The following GPR39 variants were observed in gnomAD, a reference collection of about 807,000 sequenced individuals.
The protein encoded by GPR39 is G protein-coupled receptor 39, also known as zinc sensing receptor.
In GPR39, 23 loss-of-function variants were observed where a neutral mutation model predicts 18.4. The observed-to-expected ratio is 1.25, with a 90% confidence interval of 0.90 to 1.77. The LOEUF (loss-of-function observed/expected upper bound fraction) is 1.77, where lower values mean the gene tolerates loss of function less well. Among genes scored for constraint, GPR39 ranks in the 40% most tolerant of loss-of-function variants. The pLI is 0.00. For missense variants in GPR39, 647 were observed against 602.4 expected, an observed-to-expected ratio of 1.07 and a Z score of -0.78; for synonymous variants, 280 against 257.9, an observed-to-expected ratio of 1.09 and a Z score of -0.82.
At chr2:132,642,214 C>T (rs188707364) in intron 1 of GPR39, among the ~76,000 whole-genome samples, 1 of 152,196 alleles carries the variant, frequency 6.6e-6, no homozygotes, top group Admixed American at 6.5e-5. Flanking sequence ...TAATTCAGGT[C>T]TTTGTCTCTC....
intron 1 of GPR39, among the ~76,000 whole-genome samples, chr2:132,494,528 C>G (rs1681600804): frequency 1.3e-5 from 2 of 152,138 alleles, no homozygotes; most frequent in Non-Finnish European, 2.9e-5. Flanking sequence ...TCGCTCAGGC[C>G]TTATACCAGG....
In GPR39 at chr2:132,483,851, G is replaced by C. The variant is rs567513943; in HGVS notation, c.856+65953G>C. ...ACTAAAAAAAAATGACAATATTCCT[G>C]GGTACTTTAGATAGAGGATACTGCA... On this transcript the variant is annotated intron_variant, in intron 1 of 1. Transcript: ENST00000329321. Among the ~76,000 whole-genome samples the C allele has an allele frequency of 7.9e-5, 12 of 152,252 alleles. No individual in the cohort carries two copies. In the South Asian group the frequency reaches 2.5e-3, roughly 32 times the overall value.
Position 132,581,576 on chromosome 2 carries a change from G to C in GPR39, c.857-63525G>C, listed in dbSNP as rs185412187. Among the ~76,000 whole-genome samples, 8 of 152,142 alleles carry C rather than the reference G, an allele frequency of 5.3e-5. No individual in the cohort carries two copies. The East Asian group carries it at 1.5e-3, about 29-fold the overall frequency. ...CAAGAATCTAGAATCCAACATGTGG[G>C]GCAGGCACTGAACCCCCATCCCCTA... is the stretch of plus-strand genomic sequence containing the variant. On this transcript the variant is annotated intron_variant, in intron 1 of 1. Coordinates refer to ENST00000329321, the MANE Select transcript of GPR39 (RefSeq NM_001508.3).
chr2:132,594,355 A>ATATG (rs1680900091), intron 1 of GPR39, among the ~76,000 whole-genome samples: 1 of 152,044 alleles, frequency 6.6e-6, no homozygotes. Context: ...TGCTGGTTGT[A>ATATG]TATGTGTATG....
intron 1 of GPR39, among the ~76,000 whole-genome samples, chr2:132,633,435 G>T: frequency 6.6e-6 from 1 of 151,644 alleles, no homozygotes; most frequent in Admixed American, 6.6e-5. Flanking sequence ...TTTCCAGGTA[G>T]TGGAAAAGAA....
intron 1 of GPR39, among the ~76,000 whole-genome samples, chr2:132,463,563 G>A (rs1335053526): frequency 2.0e-5 from 3 of 151,954 alleles, no homozygotes; most frequent in East Asian, 3.9e-4. Context: ...GAAATTAATA[G>A]GGAAAGACAG....
At position 132,645,401 on chromosome 2, in the gene GPR39, G is replaced by A. The variant is rs1682006355; in HGVS notation, c.1157G>A (p.Arg386His). Residue 386 changes from arginine to histidine, a missense_variant, in exon 2 of 2, where the codon CGC becomes CAC. Physicochemically the swap from Arg to His is conservative, Grantham distance 29. This residue lies in a region of GPR39 where 581 missense variants were observed against 506.8 expected (regional missense o/e 1.15). Transcript: ENST00000329321. The part of the protein sequence containing the change: ...VHAHSTTDSA[R>H]FVQRPLLFAS... ...GCGCACTCCACCACCGACAGCGCCC[G>A]CTTTGTGCAGCGCCCGTTGCTCTTC... 2 of 1,613,498 alleles carry A rather than the reference G, an allele frequency of 1.2e-6. No individual in the cohort carries two copies. The highest frequency in any genetic ancestry group is 8.5e-7 in the Non-Finnish European group (1 of 1,180,006).
intron 1 of GPR39, among the ~76,000 whole-genome samples, chr2:132,457,465 C>T (rs1451381846): frequency 6.6e-6 from 1 of 152,204 alleles, no homozygotes; most frequent in Non-Finnish European, 1.5e-5. Flanking sequence ...TACCGACCTT[C>T]TGAAGCCTAC....
At chr2:132,495,859 C>T (rs1418632941) in intron 1 of GPR39, among the ~76,000 whole-genome samples, 1 of 151,952 alleles carries the variant, frequency 6.6e-6, no homozygotes, top group Non-Finnish European at 1.5e-5. Flanking sequence ...CTCTCTTCTT[C>T]TTAGTCTTAC....
chr2:132,471,412 A>T (rs1477827715), intron 1 of GPR39, among the ~76,000 whole-genome samples: 5 of 152,028 alleles, frequency 3.3e-5, no homozygotes, highest in Non-Finnish European at 7.4e-5. Context: ...TGGAAGCTTT[A>T]CTGTATCCAC....
intron 1 of GPR39, among the ~76,000 whole-genome samples, chr2:132,594,110 A>G (rs1428905399): frequency 6.6e-6 from 1 of 152,216 alleles, no homozygotes; most frequent in Non-Finnish European, 1.5e-5. Context: ...GTGAACAATC[A>G]GACAGTGACC....
chr2:132,556,430 C>G (rs1680153827), intron 1 of GPR39, among the ~76,000 whole-genome samples: 1 of 152,192 alleles, frequency 6.6e-6, no homozygotes, highest in Non-Finnish European at 1.5e-5. Context: ...GACTCTGTAG[C>G]TGGTACATGC....
chr2:132,586,046 G>GGCTGCTGCCGCTGGTGGGAAGCTGGGA (rs1680724723), intron 1 of GPR39, among the ~76,000 whole-genome samples: 2 of 145,802 alleles, frequency 1.4e-5, no homozygotes, highest in Non-Finnish European at 3.0e-5. Flanking sequence ...TCTGATTCAC[G>GGCTGCTGCCGCTGGTGGGAAGCTGGGA]GCTGCTGCCG....
In GPR39 at chr2:132,514,932, C is replaced by A. The variant is rs539065811; in HGVS notation, c.856+97034C>A. ...AATAACCTCTCCCATGGTCACCCTA[C>A]CAGCCAGAGTATCTGCCACTGGCTG... On this transcript the variant is annotated intron_variant, in intron 1 of 1. Transcript: ENST00000329321. Among the ~76,000 whole-genome samples, 6 of 152,304 alleles carry A rather than the reference C, an allele frequency of 3.9e-5. No homozygotes were observed. In the East Asian group the frequency reaches 9.6e-4, roughly 24 times the overall value.
At chr2:132,483,441 C>T (rs1366973845) in intron 1 of GPR39, among the ~76,000 whole-genome samples, 2 of 152,220 alleles carry the variant, frequency 1.3e-5, no homozygotes, top group African/African-American at 4.8e-5. Flanking sequence ...CTGTGTGTTG[C>T]CTTCACTTCC....
chr2:132,586,347 T>C (rs1680732337), intron 1 of GPR39, among the ~76,000 whole-genome samples: 2 of 152,278 alleles, frequency 1.3e-5, no homozygotes, highest in Non-Finnish European at 2.9e-5. Context: ...AGCAACTCCA[T>C]TGTAAAACGG....
At chr2:132,619,486 A>G (rs1013807171) in intron 1 of GPR39, among the ~76,000 whole-genome samples, 10 of 152,198 alleles carry the variant, frequency 6.6e-5, no homozygotes, top group African/African-American at 2.4e-4. Flanking sequence ...ACAGTCACAG[A>G]ACGGCCAAGA....
chr2:132,564,950 G>T (rs1021423088), intron 1 of GPR39, among the ~76,000 whole-genome samples: 2 of 151,072 alleles, frequency 1.3e-5, no homozygotes, highest in Admixed American at 6.6e-5. Flanking sequence ...TTGAGTAGCT[G>T]GGATTACAGG....
chr2:132,634,637 T>C (rs1175567185), intron 1 of GPR39, among the ~76,000 whole-genome samples: 1 of 152,190 alleles, frequency 6.6e-6, no homozygotes, highest in Non-Finnish European at 1.5e-5. Flanking sequence ...GCACACGTCC[T>C]CTAAGTACTT....
Sources: allele counts gnomAD v4.1 joint callset (sites outside exome capture counted in the v4.1 genomes callset), GRCh38; gene constraint gnomAD v4.1.1; regional missense constraint gnomAD v4.1.1; transcripts MANE v1.5; gene names NCBI Gene and HGNC (gene_info 2026-07-23, HGNC 2026-07-21).